The following ARHGAP15 variants were observed in gnomAD, a reference collection of about 807,000 sequenced individuals.
ARHGAP15 encodes Rho GTPase activating protein 15, also known as rho GTPase-activating protein 15.
Under a neutral mutation model 63.7 loss-of-function variants are expected in ARHGAP15, and 51 were observed. That is an observed-to-expected ratio of 0.80 (90% confidence interval 0.64 to 1.01). The LOEUF (loss-of-function observed/expected upper bound fraction) is 1.01. ARHGAP15 is among the 50% of genes least tolerant of loss of function. The pLI is 0.00. For missense variants in ARHGAP15, 560 were observed against 564.6 expected, an observed-to-expected ratio of 0.99 and a Z score of 0.08; for synonymous variants, 191 against 193.8, an observed-to-expected ratio of 0.99 and a Z score of 0.12.
At chr2:143,593,167 T>G (rs965674718) in intron 11 of ARHGAP15, 2 of 152,180 alleles carry the variant, frequency 1.3e-5, no homozygotes, top group African/African-American at 4.8e-5. Flanking sequence ...CAGGACTCAT[T>G]GGCGTCTTCC....
intron 10 of ARHGAP15, among the ~76,000 whole-genome samples, chr2:143,544,456 ATATATATGTATATACTACACACATGTG>A (rs1451193727): frequency 6.6e-6 from 1 of 152,238 alleles, no homozygotes; most frequent in Non-Finnish European, 1.5e-5. Flanking sequence ...CACAAGAGTA[ATATATATGTATATACTACACACATGTG>A]TATATATGTA....
At chr2:143,252,533 T>G (rs1206432300) in intron 6 of ARHGAP15, among the ~76,000 whole-genome samples, 2 of 152,040 alleles carry the variant, frequency 1.3e-5, no homozygotes, top group Non-Finnish European at 2.9e-5. Flanking sequence ...TACAGACGCT[T>G]TATTTTTTTT....
chr2:143,487,790 T>C (rs1356984865), intron 9 of ARHGAP15, among the ~76,000 whole-genome samples: 1 of 152,154 alleles, frequency 6.6e-6, no homozygotes, highest in Non-Finnish European at 1.5e-5. Context: ...AATGATACCA[T>C]GTCCTCCTGT....
At position 143,413,966 on chromosome 2, in the gene ARHGAP15, T is replaced by TGTGTGTGCGCGCGC; in HGVS notation, c.475-21634_475-21633insTGTGTGCGCGCGCG. 5.9e-4 allele frequency among the ~76,000 whole-genome samples: 70 copies of TGTGTGTGCGCGCGC among 117,924 alleles called. 1 individual carries two copies. The highest frequency in any genetic ancestry group is 1.7e-3 in the African/African-American group (47 of 28,246). The allele number at this position is 117,924 out of a possible 152,430, so 77.4% of individuals were successfully genotyped here. On this transcript the variant is annotated intron_variant, in intron 6 of 13. Transcript: ENST00000295095. ...GTGTGTGTGTGTGTGTGTGTGTGTG[T>TGTGTGTGCGCGCGC]GCGCGCTCTCTGGCAGAAAGTTAAT...
At chr2:143,240,887 A>G (rs1397772449) in intron 5 of ARHGAP15, among the ~76,000 whole-genome samples, 2 of 152,242 alleles carry the variant, frequency 1.3e-5, no homozygotes, top group African/African-American at 2.4e-5. Flanking sequence ...GCCATTAACT[A>G]TAATAAATTC....
intron 6 of ARHGAP15, among the ~76,000 whole-genome samples, chr2:143,389,138 T>TTTA (rs1056579158): frequency 5.4e-5 from 8 of 149,268 alleles, no homozygotes; most frequent in African/African-American, 2.4e-5. Context: ...ATTATTATTT[T>TTTA]TTATTATTAT....
chr2:143,601,492 G>C (rs1302262219), intron 11 of ARHGAP15: 1 of 152,142 alleles, frequency 6.6e-6, no homozygotes, highest in African/African-American at 2.4e-5. Flanking sequence ...AATCTGCCTA[G>C]CTACACAGGA....
chr2:143,449,821 T>G (rs918219489), intron 8 of ARHGAP15, among the ~76,000 whole-genome samples: 2 of 151,934 alleles, frequency 1.3e-5, no homozygotes, highest in Admixed American at 1.3e-4. Context: ...CATGTCTACC[T>G]TTTTTTAATT....
intron 1 of ARHGAP15, among the ~76,000 whole-genome samples, chr2:143,141,542 G>T (rs1689364963): frequency 6.6e-6 from 1 of 152,088 alleles, no homozygotes; most frequent in Non-Finnish European, 1.5e-5. Context: ...AAACAGTAGA[G>T]GAGGCAGAGA....
At chr2:143,561,536 G>T (rs1185327665) in intron 11 of ARHGAP15, among the ~76,000 whole-genome samples, 3 of 149,486 alleles carry the variant, frequency 2.0e-5, no homozygotes, top group Non-Finnish European at 4.4e-5. Context: ...TTTTGAGACG[G>T]AGTCTCGGTC....
At chr2:143,499,659 G>A (rs1006145557) in intron 9 of ARHGAP15, among the ~76,000 whole-genome samples, 15 of 152,076 alleles carry the variant, frequency 9.9e-5, no homozygotes, top group African/African-American at 3.4e-4. Flanking sequence ...CCATAAGGTG[G>A]TAATTGTGTC....
At chr2:143,294,737 T>G (rs942904971) in intron 6 of ARHGAP15, among the ~76,000 whole-genome samples, 3 of 152,128 alleles carry the variant, frequency 2.0e-5, no homozygotes, top group Non-Finnish European at 2.9e-5. Context: ...AAAATGTCAG[T>G]GATTAGTCCA....
chr2:143,332,998 T>C (rs1392483842), intron 6 of ARHGAP15, among the ~76,000 whole-genome samples: 1 of 151,102 alleles, frequency 6.6e-6, no homozygotes, highest in Non-Finnish European at 1.5e-5. Context: ...AAGCTACCAT[T>C]ATATTGAGGC....
At chr2:143,357,610 T>C (rs186592905) in intron 6 of ARHGAP15, among the ~76,000 whole-genome samples, 40 of 152,306 alleles carry the variant, frequency 2.6e-4, no homozygotes, top group African/African-American at 7.9e-4. Context: ...GGATCAAATA[T>C]GTAAAATGTT....
intron 5 of ARHGAP15, among the ~76,000 whole-genome samples, chr2:143,238,869 AG>A (rs1331759837): frequency 6.6e-6 from 1 of 152,234 alleles, no homozygotes; most frequent in Non-Finnish European, 1.5e-5. Context: ...AGCTATAAAA[AG>A]GAATGAGATC....
intron 2 of ARHGAP15, among the ~76,000 whole-genome samples, chr2:143,186,164 C>T (rs1236942455): frequency 6.6e-6 from 1 of 152,010 alleles, no homozygotes; most frequent in African/African-American, 2.4e-5. Context: ...CCACAAATAA[C>T]CAGAGAAATT....
intron 8 of ARHGAP15, among the ~76,000 whole-genome samples, chr2:143,447,906 G>T (rs1384852849): frequency 6.6e-6 from 1 of 152,154 alleles, no homozygotes; most frequent in Non-Finnish European, 1.5e-5. Context: ...TTTGGTTTGG[G>T]TTCCTCCAGA....
chr2:143,215,051 A>C (rs532464880), intron 3 of ARHGAP15, among the ~76,000 whole-genome samples: 3 of 152,346 alleles, frequency 2.0e-5, no homozygotes, highest in African/African-American at 7.2e-5. Flanking sequence ...CTAGGAATCC[A>C]GGTGTGAAAG....
intron 13 of ARHGAP15, among the ~76,000 whole-genome samples, chr2:143,713,002 A>G (rs1684650081): frequency 2.0e-5 from 3 of 152,178 alleles, no homozygotes; most frequent in African/African-American, 4.8e-5. Context: ...TAGATACTCA[A>G]TAATTTTTGT....
Sources: gnomAD v4.1 joint callset for allele counts (sites outside exome capture counted in the v4.1 genomes callset) on GRCh38, gnomAD v4.1.1 for gene constraint, MANE v1.5 for transcripts, NCBI Gene and HGNC (gene_info 2026-07-23, HGNC 2026-07-21) for gene names.